The following NALF1 variants were observed in gnomAD, a reference collection of about 807,000 sequenced individuals.
NALF1 encodes family with sequence similarity 155 member A.
Under a neutral mutation model 48.4 loss-of-function variants are expected in NALF1, and 3 were observed. The observed-to-expected ratio is 0.06, with a 90% CI of 0.03 to 0.16. The LOEUF is 0.16. Ranked by LOEUF, NALF1 falls within the 10% of genes least tolerant of loss-of-function variation. The pLI is 1.00. For synonymous variants in NALF1, 262 were observed against 245.7 expected, an observed-to-expected ratio of 1.07 and a Z score of -0.62; for missense variants, 526 against 571.5, an observed-to-expected ratio of 0.92 and a Z score of 0.81.
intron 1 of NALF1, among the ~76,000 whole-genome samples, chr13:107,555,882 G>C (rs1877458175): frequency 6.6e-6 from 1 of 151,750 alleles, no homozygotes; most frequent in South Asian, 2.1e-4. Context: ...TCAATACCCA[G>C]CAAAAAAGAT....
At chr13:107,412,113 C>A (rs1884002776) in intron 1 of NALF1, among the ~76,000 whole-genome samples, 1 of 152,162 alleles carries the variant, frequency 6.6e-6, no homozygotes, top group South Asian at 2.1e-4. Flanking sequence ...GCTGTGACTT[C>A]AAGTGACAGA....
intron 1 of NALF1, among the ~76,000 whole-genome samples, chr13:107,518,380 G>C (rs1251020561): frequency 6.6e-6 from 1 of 152,160 alleles, no homozygotes; most frequent in Non-Finnish European, 1.5e-5. Flanking sequence ...GGGGCATCTA[G>C]GAGTTTGAGG....
At chr13:107,655,223 A>T (rs894750014) in intron 1 of NALF1, among the ~76,000 whole-genome samples, 6 of 152,126 alleles carry the variant, frequency 3.9e-5, no homozygotes, top group African/African-American at 1.4e-4. Flanking sequence ...CTCTTTGCTG[A>T]TAATATCATT....
intron 1 of NALF1, among the ~76,000 whole-genome samples, chr13:107,643,172 C>T (rs1377087842): frequency 1.3e-5 from 2 of 152,100 alleles, no homozygotes; most frequent in Non-Finnish European, 2.9e-5. Flanking sequence ...CACTTAATTC[C>T]CAAGAAGATG....
At chr13:107,525,706 G>T (rs907437240) in intron 1 of NALF1, among the ~76,000 whole-genome samples, 1 of 152,004 alleles carries the variant, frequency 6.6e-6, no homozygotes, top group Non-Finnish European at 1.5e-5. Context: ...TTTCCAACGT[G>T]GCTCTACTAT....
chr13:107,752,812 T>C (rs1030618974), intron 1 of NALF1, among the ~76,000 whole-genome samples: 4 of 152,142 alleles, frequency 2.6e-5, no homozygotes, highest in South Asian at 2.1e-4. Flanking sequence ...CATTAGATAA[T>C]TGACAAAGGC....
intron 1 of NALF1, among the ~76,000 whole-genome samples, chr13:107,668,336 G>A (rs1016442995): frequency 2.0e-5 from 3 of 151,776 alleles, no homozygotes; most frequent in Non-Finnish European, 2.9e-5. Flanking sequence ...CTTTCCTTCC[G>A]TATCTTGATG....
chr13:107,780,540 C>T (rs1877858742), intron 1 of NALF1, among the ~76,000 whole-genome samples: 1 of 151,714 alleles, frequency 6.6e-6, no homozygotes, highest in Non-Finnish European at 1.5e-5. Flanking sequence ...TCACTGTCAC[C>T]CAGGCTGGAG....
intron 1 of NALF1, among the ~76,000 whole-genome samples, chr13:107,338,344 A>G (rs1882600870): frequency 6.6e-6 from 1 of 152,192 alleles, no homozygotes; most frequent in Non-Finnish European, 1.5e-5. Context: ...GAGTACAAGT[A>G]TGGGAAATGA....
chr13:107,383,771 G>A (rs1883479911), intron 1 of NALF1, among the ~76,000 whole-genome samples: 1 of 152,156 alleles, frequency 6.6e-6, no homozygotes, highest in Non-Finnish European at 1.5e-5. Context: ...TTCATGGCAT[G>A]TAATTATAGC....
intron 1 of NALF1, among the ~76,000 whole-genome samples, chr13:107,411,310 T>G (rs1402786006): frequency 6.3e-5 from 9 of 141,880 alleles, no homozygotes; most frequent in Non-Finnish European, 9.5e-5. Flanking sequence ...TGTTTTTTTT[T>G]TTTTTTTTAA....
At chr13:107,269,913 A>ATTTTTTT (rs71121514) in intron 1 of NALF1, among the ~76,000 whole-genome samples, 29 of 89,046 alleles carry the variant, frequency 3.3e-4, no homozygotes, top group South Asian at 1.2e-3. Flanking sequence ...CGCCCGGCTA[A>ATTTTTTT]TTTTTTTTTT....
chr13:107,430,267 G>T (rs1379580657), intron 1 of NALF1, among the ~76,000 whole-genome samples: 1 of 147,300 alleles, frequency 6.8e-6, no homozygotes, highest in African/African-American at 2.5e-5. Flanking sequence ...AGAGCTAAGA[G>T]ATTTTTTTTT....
intron 1 of NALF1, among the ~76,000 whole-genome samples, chr13:107,642,292 G>C (rs923884417): frequency 2.0e-5 from 3 of 152,146 alleles, no homozygotes; most frequent in African/African-American, 7.2e-5. Flanking sequence ...AGTTAACTGA[G>C]CTAAAATATT....
intron 1 of NALF1, among the ~76,000 whole-genome samples, chr13:107,732,705 C>T (rs1555321832): frequency 6.6e-6 from 1 of 152,156 alleles, no homozygotes; most frequent in Non-Finnish European, 1.5e-5. Flanking sequence ...CTGTGAATCT[C>T]ATAGTGAGAT....
At chr13:107,250,498 G>A (rs1225409766) in intron 1 of NALF1, among the ~76,000 whole-genome samples, 1 of 152,024 alleles carries the variant, frequency 6.6e-6, no homozygotes, top group East Asian at 1.9e-4. Context: ...GGACTTTAAT[G>A]GTGGTTTGAA....
chr13:107,581,323 C>A (rs1242040566), intron 1 of NALF1, among the ~76,000 whole-genome samples: 2 of 152,124 alleles, frequency 1.3e-5, no homozygotes, highest in Admixed American at 6.6e-5. Flanking sequence ...ACAGAATCAA[C>A]AAAGGAAAGC....
Position 107,502,735 on chromosome 13 carries a change from T to C in NALF1, c.916-291980A>G, listed in dbSNP as rs540255788. On this transcript the variant is annotated intron_variant, in intron 1 of 2. Coordinates refer to ENST00000375915, the MANE Select transcript of NALF1 (RefSeq NM_001080396.3). ...CAGGCACATGATTAAATCTAGATGT[T>C]TCCCCTGATAGTTGTGTTTTTCTGT... Among the ~76,000 whole-genome samples, 16 of 152,352 alleles carry C rather than the reference T, an allele frequency of 1.1e-4. 1 individual carries two copies. The highest frequency in any genetic ancestry group is 3.8e-4 in the African/African-American group (16 of 41,586).
At chr13:107,819,137 G>A (rs4772921) in intron 1 of NALF1, among the ~76,000 whole-genome samples, 30,927 of 151,988 alleles carry the variant, frequency 0.2, 3,602 homozygotes, top group East Asian at 0.49. Flanking sequence ...TAATTCCTCA[G>A]CTTAACCTGA....
Sources: allele counts gnomAD v4.1 joint callset (sites outside exome capture counted in the v4.1 genomes callset), GRCh38; gene constraint gnomAD v4.1.1; transcripts MANE v1.5; gene names NCBI Gene and HGNC (gene_info 2026-07-23, HGNC 2026-07-21).